The following MACO1 variants were observed in gnomAD, a reference collection of about 807,000 sequenced individuals.
The protein encoded by MACO1 is macoilin.
In MACO1, 14 loss-of-function variants were observed where a neutral mutation model predicts 78.7. The ratio of observed to expected loss-of-function variants is 0.18; its 90% CI spans 0.12 to 0.28. The LOEUF (loss-of-function observed/expected upper bound fraction) is 0.28, where lower values mean the gene tolerates loss of function less well. Ranked by LOEUF, MACO1 falls within the 10% of genes least tolerant of loss-of-function variation. The pLI, the probability that MACO1 is intolerant of heterozygous loss-of-function variation, is 1.00. For missense variants in MACO1, 501 were observed against 799.0 expected, an observed-to-expected ratio of 0.63 and a Z score of 4.50; for synonymous variants, 288 against 291.6, an observed-to-expected ratio of 0.99 and a Z score of 0.12.
chr1:25,457,509 C>A (rs1359301592), intron 5 of MACO1, among the ~76,000 whole-genome samples: 5 of 152,112 alleles, frequency 3.3e-5, no homozygotes, highest in Admixed American at 6.5e-5. Flanking sequence ...AGTATAAGCA[C>A]AATGGAGATG....
intron 10 of MACO1, among the ~76,000 whole-genome samples, chr1:25,491,939 T>C (rs188387086): frequency 6.6e-6 from 1 of 152,266 alleles, no homozygotes; most frequent in Admixed American, 6.5e-5. Context: ...GAAACTAGTC[T>C]GGGGAATTGG....
intron 6 of MACO1, among the ~76,000 whole-genome samples, chr1:25,462,746 G>A (rs543710258): frequency 1.4e-4 from 22 of 152,318 alleles, no homozygotes; most frequent in Non-Finnish European, 1.0e-4. Flanking sequence ...CTTATAGCTC[G>A]GTTTGGCTGT....
At chr1:25,492,468 T>C (rs137897673) in intron 10 of MACO1, among the ~76,000 whole-genome samples, 1 of 151,592 alleles carries the variant, frequency 6.6e-6, no homozygotes, top group Admixed American at 6.6e-5. Context: ...TGTAAAGAGC[T>C]GGAGGAAAGC....
At chr1:25,490,255 G>A (rs980064669) in intron 9 of MACO1, among the ~76,000 whole-genome samples, 2 of 152,144 alleles carry the variant, frequency 1.3e-5, no homozygotes, top group Non-Finnish European at 2.9e-5. Flanking sequence ...CAACATATCC[G>A]TAGCTCATAA....
intron 3 of MACO1, among the ~76,000 whole-genome samples, chr1:25,452,822 G>A (rs1309485977): frequency 2.0e-5 from 3 of 146,364 alleles, no homozygotes; most frequent in Non-Finnish European, 3.0e-5. Context: ...TCAGCCTCCC[G>A]AGTAACTGGA....
intron 6 of MACO1, among the ~76,000 whole-genome samples, chr1:25,459,853 G>A (rs2043155903): frequency 6.6e-6 from 1 of 152,114 alleles, no homozygotes; most frequent in African/African-American, 2.4e-5. Context: ...CTTATGTTAG[G>A]CAAACACAAA....
intron 6 of MACO1, among the ~76,000 whole-genome samples, chr1:25,464,712 C>T (rs2043202075): frequency 7.1e-6 from 1 of 140,494 alleles, no homozygotes; most frequent in South Asian, 2.3e-4. Context: ...GGCTGGAGTG[C>T]AAGATGCTAT....
chr1:25,465,306 C>T (rs1393392840), intron 6 of MACO1, among the ~76,000 whole-genome samples: 2 of 152,192 alleles, frequency 1.3e-5, no homozygotes, highest in African/African-American at 2.4e-5. Context: ...TTTTCAGCTT[C>T]TTTGGATAAA....
At chr1:25,448,508 C>T (rs1054930711) in intron 2 of MACO1, among the ~76,000 whole-genome samples, 2 of 152,106 alleles carry the variant, frequency 1.3e-5, no homozygotes, top group Admixed American at 6.6e-5. Flanking sequence ...TTCAGGTAAC[C>T]CACATTTATT....
intron 4 of MACO1, among the ~76,000 whole-genome samples, chr1:25,456,326 T>C (rs531075521): frequency 1.3e-5 from 2 of 152,308 alleles, no homozygotes; most frequent in East Asian, 3.9e-4. Context: ...CTTCAATATT[T>C]CTTCAAAGGC....
chr1:25,477,107 A>G (rs1450315580), intron 6 of MACO1, among the ~76,000 whole-genome samples: 1 of 152,236 alleles, frequency 6.6e-6, no homozygotes, highest in Non-Finnish European at 1.5e-5. Context: ...AGCAGCAACA[A>G]AAAGAAGCCC....
intron 1 of MACO1, among the ~76,000 whole-genome samples, chr1:25,440,657 T>C (rs921992935): frequency 1.3e-5 from 2 of 150,446 alleles, no homozygotes; most frequent in Admixed American, 6.7e-5. Flanking sequence ...TAATCCCAGC[T>C]ACTTGAGAGG....
chr1:25,465,129 C>T (rs776483118), intron 6 of MACO1, among the ~76,000 whole-genome samples: 13 of 152,172 alleles, frequency 8.5e-5, no homozygotes, highest in Non-Finnish European at 1.6e-4. Context: ...GTGTCTTTTC[C>T]TGGCCTAATA....
intron 1 of MACO1, among the ~76,000 whole-genome samples, chr1:25,439,136 T>A (rs2042945327): frequency 6.6e-6 from 1 of 152,122 alleles, no homozygotes. Flanking sequence ...TTTGAAATAA[T>A]TTTAGATTTA....
chr1:25,477,533 TATC>T (rs1160071651), intron 6 of MACO1, among the ~76,000 whole-genome samples: 1 of 152,202 alleles, frequency 6.6e-6, no homozygotes, highest in African/African-American at 2.4e-5. Flanking sequence ...TGAGGCTCCT[TATC>T]ATCCCCAGGG....
chr1:25,449,735 G>C (rs2043047943), intron 3 of MACO1, among the ~76,000 whole-genome samples: 1 of 152,078 alleles, frequency 6.6e-6, no homozygotes, highest in Non-Finnish European at 1.5e-5. Context: ...AAATGTCAAG[G>C]GGGCCAGGCG....
chr1:25,487,100 C>T (rs2043440186), intron 8 of MACO1, among the ~76,000 whole-genome samples: 1 of 152,168 alleles, frequency 6.6e-6, no homozygotes. Context: ...CTTTTGCTTC[C>T]AGTTAAGCTT....
intron 6 of MACO1, among the ~76,000 whole-genome samples, chr1:25,477,047 G>C (rs1342648906): frequency 6.6e-6 from 1 of 152,178 alleles, no homozygotes; most frequent in Non-Finnish European, 1.5e-5. Context: ...AGAACTTATA[G>C]TCTTGTTAGA....
intron 6 of MACO1, 139 bp downstream of exon 6, chr1:25,459,031 T>C (rs2043148594): frequency 9.3e-7 from 1 of 1,079,128 alleles, no homozygotes; most frequent in Non-Finnish European, 1.3e-6. Context: ...CATGAGTTTG[T>C]TGGCCACCTT....
Sources: gnomAD v4.1 joint callset for allele counts (sites outside exome capture counted in the v4.1 genomes callset) on GRCh38, gnomAD v4.1.1 for gene constraint, MANE v1.5 for transcripts, NCBI Gene and HGNC (gene_info 2026-07-23, HGNC 2026-07-21) for gene names.